WASHC2A: variants seen among roughly 807,000 people sequenced by gnomAD.
WASHC2A encodes the protein WASH complex subunit 2A.
A neutral mutation model predicts 140.3 loss-of-function variants in WASHC2A; 82 were observed. That is an observed-to-expected ratio of 0.58 (90% CI 0.49 to 0.70). The LOEUF (loss-of-function observed/expected upper bound fraction) is 0.70, where lower values mean the gene tolerates loss of function less well. Among genes scored for constraint, WASHC2A ranks in the 30% least tolerant of loss-of-function variants. The probability of loss-of-function intolerance (pLI) is 0.00; values close to 1 mark genes in which losing one functional copy is unlikely to be tolerated. For missense variants in WASHC2A, 985 were observed against 1,521.8 expected, an observed-to-expected ratio of 0.65 and a Z score of 5.87; for synonymous variants, 340 against 560.8, an observed-to-expected ratio of 0.61 and a Z score of 5.56.
intron 19 of WASHC2A, among the ~76,000 whole-genome samples, chr10:50,107,720 G>A (rs1394096933): frequency 2.0e-5 from 3 of 150,832 alleles, no homozygotes; most frequent in African/African-American, 7.3e-5. Context: ...TTGGGAGTTC[G>A]AGACCAGCCT....
chr10:50,095,480 T>G lies in WASHC2A; in HGVS notation c.1241-119T>G, dbSNP rs1840392851. ...AATGGATGGAGGCTATTGGGCCCTG[T>G]TATGCATTTTGTGGATTAACTGAAA... On this transcript the variant is annotated intron_variant, in intron 14 of 30. Coordinates refer to ENST00000282633, the MANE Select transcript of WASHC2A (RefSeq NM_001005751.3). 5.0e-6 allele frequency: 7 copies of G among 1,399,234 alleles called. No individual in the cohort carries two copies. The South Asian group carries it at 8.7e-5, about 17-fold the overall frequency. 86.7% of individuals were successfully genotyped at this position (1,399,234 alleles called of 1,614,324 possible).
In WASHC2A at chr10:50,110,086, A is replaced by G. The variant is rs1554889850; in HGVS notation, c.1870-15A>G. The G allele has an allele frequency of 2.0e-5, 32 of 1,604,402 alleles. No individual in the cohort carries two copies. In the South Asian group the frequency reaches 3.3e-4, roughly 17 times the overall value. On this transcript the variant is annotated splice_polypyrimidine_tract_variant and intron_variant, in intron 19 of 30. Coordinates refer to ENST00000282633, the MANE Select transcript of WASHC2A (RefSeq NM_001005751.3). ...CGCCTGGCCTGGAGTTTTAATATAT[A>G]TTTTATGTTTTAAGGACCAGTGGAA...
In WASHC2A at chr10:50,106,410, C is replaced by T. The variant is rs1841786202; in HGVS notation, c.1814C>T (p.Ala605Val). ...LQAQREEKAKASELSKKKASA... is the reference protein window; with the variant it reads ...LQAQREEKAKVSELSKKKASA... ...GCTCAGAGAGAAGAGAAAGCAAAAG[C>T]CTCCGAGCTCTCCAAAAAGAAAGCA... Residue 605 changes from alanine (A) to valine (V), a missense_variant, in exon 19 of 31, where the codon GCC (alanine) becomes GTC (valine). Ala to Val is a moderately conservative substitution (Grantham distance 64). Transcript: ENST00000282633. 11 of 1,611,776 alleles carry T rather than the reference C, an allele frequency of 6.8e-6. No homozygotes were observed. The South Asian group carries it at 9.9e-5, about 14-fold the overall frequency.
intron 8 of WASHC2A, among the ~76,000 whole-genome samples, chr10:50,090,502 C>CAAAA (rs1228908369): frequency 2.0e-4 from 22 of 108,550 alleles, no homozygotes; most frequent in African/African-American, 5.8e-4. Context: ...GACTCCATCT[C>CAAAA]AAAAAAAAAA....
intron 6 of WASHC2A, among the ~76,000 whole-genome samples, chr10:50,084,737 TTC>T (rs1839237578): frequency 7.1e-6 from 1 of 140,964 alleles, no homozygotes; most frequent in Non-Finnish European, 1.5e-5. Context: ...CTGTTTTTCT[TTC>T]TTTCTTTCTT....
intron 28 of WASHC2A, 130 bp downstream of exon 28, chr10:50,127,925 T>G: frequency 1.3e-6 from 2 of 1,550,674 alleles, no homozygotes; most frequent in South Asian, 2.3e-5. Flanking sequence ...TCATCCTTCC[T>G]TCAGCCACTC....
At chr10:50,081,090 G>A (rs1191534025) in intron 5 of WASHC2A, among the ~76,000 whole-genome samples, 159 bp downstream of exon 5, 1 of 150,872 alleles carries the variant, frequency 6.6e-6, no homozygotes, top group Middle Eastern at 3.4e-3. Flanking sequence ...CTTTACCTGA[G>A]CACTGATGGA....
Position 50,068,188 on chromosome 10 carries a change from C to T in WASHC2A, c.87C>T (p.Arg29=), listed in dbSNP as rs782446573. The change falls in exon 2 of 31, where the codon CGC becomes CGT. Residue 29 remains arginine, a synonymous_variant. Coordinates refer to ENST00000282633, the MANE Select transcript of WASHC2A (RefSeq NM_001005751.3). Reference sequence around the variant, plus strand: ...GGCCGTGGTCGGTGGAGGAGATCCGCAGGAGCAGCCAGAGCTGGTCGCTGG... The same window carrying T: ...GGCCGTGGTCGGTGGAGGAGATCCGTAGGAGCAGCCAGAGCTGGTCGCTGG... The part of the protein sequence containing the change: ...WERPWSVEEI[R]RSSQSWSLAA... 5 of 1,596,200 alleles carry T rather than the reference C, an allele frequency of 3.1e-6. No homozygotes were observed. In the East Asian group the frequency reaches 9.0e-5, roughly 29 times the overall value.
Position 50,091,518 on chromosome 10 carries a change from A to C in WASHC2A, c.931A>C (p.Thr311Pro), listed in dbSNP as rs1357835715. The stretch of plus-strand genomic sequence containing the variant: ...GGGTCGAGTGGACGAGGAGCCGACA[A>C]GTGAGCCCCAGCCGCGTTGATGGGG... ...AVGRVDEEPT[T>P]LPSGEAKPRK... Residue 311 changes from threonine to proline, a missense_variant and splice_region_variant, in exon 10 of 31, where the codon ACC becomes CCC. Coordinates refer to ENST00000282633, the MANE Select transcript of WASHC2A (RefSeq NM_001005751.3). 7 of 1,549,496 alleles carry C rather than the reference A, an allele frequency of 4.5e-6. No individual in the cohort carries two copies. The highest frequency in any genetic ancestry group is 1.4e-5 in the African/African-American group (1 of 72,876).
chr10:50,100,852 A>G (rs1164745403), intron 17 of WASHC2A, among the ~76,000 whole-genome samples: 35 of 152,320 alleles, frequency 2.3e-4, no homozygotes, highest in African/African-American at 8.2e-4. Flanking sequence ...ACCACCTCTC[A>G]GAATTTCACT....
rs1554883346 is a variant in WASHC2A at position 50,092,781 on chromosome 10, G to C, written c.1004-487G>C. Among the ~76,000 whole-genome samples the C allele has an allele frequency of 1.3e-5, 2 of 151,944 alleles. 1 individual carries two copies. The highest frequency in any genetic ancestry group is 2.9e-5 in the Non-Finnish European group (2 of 67,990). On this transcript the variant is annotated intron_variant, in intron 11 of 30. Coordinates refer to ENST00000282633, the MANE Select transcript of WASHC2A (RefSeq NM_001005751.3). The stretch of plus-strand genomic sequence containing the variant: ...ACAGCAATCATTTCTTGTCTTCCTA[G>C]AATTCTTAGAAGTATAGAAACTTAG...
At chr10:50,069,469 A>G in intron 2 of WASHC2A, 78 bp from the exon 3 acceptor site, 1 of 1,499,014 alleles carries the variant, frequency 6.7e-7, no homozygotes, top group Non-Finnish European at 9.0e-7. Context: ...GTGAAAGGAA[A>G]TGGGTTCTTT....
chr10:50,127,659 C>T lies in WASHC2A; in HGVS notation c.2951C>T (p.Pro984Leu). ...ATCTCTGAAGTAAAGCCTGTTTTGC[C>T]AGAATTGGCTTTTCCTTCATCTGAA... The part of the protein sequence containing the change: ...SQISEVKPVL[P>L]ELAFPSSEHR... Residue 984 changes from proline (P) to leucine (L), a missense_variant, in exon 28 of 31, where the codon CCA becomes CTA. Physicochemically the swap from Pro to Leu is moderately conservative, Grantham distance 98. Coordinates refer to ENST00000282633, the MANE Select transcript of WASHC2A (RefSeq NM_001005751.3). The T allele has an allele frequency of 6.2e-7, 1 of 1,603,108 alleles. No homozygotes were observed.
chr10:50,090,311 A>C (rs1205163853), intron 8 of WASHC2A, among the ~76,000 whole-genome samples: 1 of 148,960 alleles, frequency 6.7e-6, no homozygotes. Flanking sequence ...AGACCAGCCT[A>C]GACAATATGG....
At chr10:50,126,879 T>C (rs1427654691) in intron 26 of WASHC2A, among the ~76,000 whole-genome samples, 4 of 152,060 alleles carry the variant, frequency 2.6e-5, no homozygotes, top group Admixed American at 6.6e-5. Context: ...TGGTCAGTTT[T>C]AGGTGCTCTG....
chr10:50,089,848 G>A (rs1193892598), intron 8 of WASHC2A, among the ~76,000 whole-genome samples: 1 of 152,008 alleles, frequency 6.6e-6, no homozygotes, highest in East Asian at 1.9e-4. Flanking sequence ...AGTGCTTTGA[G>A]AATGTAATCC....
At position 50,072,411 on chromosome 10, in the gene WASHC2A, A is replaced by T. The variant is rs550187762; in HGVS notation, c.291+2700A>T. Among the ~76,000 whole-genome samples, 10 of 151,566 alleles carry T rather than the reference A, an allele frequency of 6.6e-5. No homozygotes were observed. The South Asian group carries it at 2.1e-3, about 32-fold the overall frequency. ...TTTGTGGCAAAGCATGATAATACTG[A>T]GAAAACAGCTAATGCTTAATAAAAC... On this transcript the variant is annotated intron_variant, in intron 3 of 30. Coordinates refer to ENST00000282633, the MANE Select transcript of WASHC2A (RefSeq NM_001005751.3).
chr10:50,070,981 G>A (rs1338161447), intron 3 of WASHC2A, among the ~76,000 whole-genome samples: 4 of 94,782 alleles, frequency 4.2e-5, no homozygotes, highest in African/African-American at 1.3e-4. Flanking sequence ...GCGGTGAGCC[G>A]AGATCCTGCC....
intron 8 of WASHC2A, among the ~76,000 whole-genome samples, chr10:50,090,538 T>TTA (rs1287651401): frequency 5.5e-4 from 47 of 85,432 alleles, no homozygotes; most frequent in East Asian, 2.0e-3. Context: ...ATATTTATAT[T>TTA]TATATATATA....
Sources: allele counts gnomAD v4.1 joint callset (sites outside exome capture counted in the v4.1 genomes callset), GRCh38; gene constraint gnomAD v4.1.1; transcripts MANE v1.5; gene names NCBI Gene and HGNC (gene_info 2026-07-23, HGNC 2026-07-21).